LYPD4: variants seen among roughly 807,000 people sequenced by gnomAD.
LYPD4 encodes the protein ly6/PLAUR domain-containing protein 4.
Under a neutral mutation model 18.2 loss-of-function variants are expected in LYPD4, and 20 were observed. The ratio of observed to expected loss-of-function variants is 1.10; its 90% confidence interval spans 0.77 to 1.59. The LOEUF (loss-of-function observed/expected upper bound fraction) is 1.59. LYPD4 is among the 40% of genes most tolerant of loss of function. The pLI is 0.00. For missense variants in LYPD4, 278 were observed against 300.3 expected (o/e 0.93, Z 0.55); for synonymous variants, 111 against 118.3 (o/e 0.94, Z 0.40).
downstream of LYPD4, chr19:41,837,014 T>C (rs1229832843): frequency 2.7e-6 from 4 of 1,489,186 alleles, no homozygotes; most frequent in Non-Finnish European, 3.6e-6. Context: ...TCCCTGGACA[T>C]GCTTGGCCTT....
Position 41,837,994 on chromosome 19 carries a change from G to C in LYPD4, c.479C>G (p.Thr160Ser). 1.2e-6 allele frequency: 2 copies of C among 1,614,150 alleles called. No individual in the cohort carries two copies. The highest frequency in any genetic ancestry group is 1.1e-5 in the South Asian group (1 of 91,082). ...MKDCLPNFVTTNSCPLAASTC... is the reference protein window; with the variant it reads ...MKDCLPNFVTSNSCPLAASTC... ...AGAAGCAGCCAAGGGGCAAGAATTA[G>C]TGGTGACAAAATTTGGGAGGCAATC... The change falls in exon 4 of 5, where the codon ACT (threonine) becomes AGT (serine). Residue 160 changes from threonine (T) to serine (S), a missense_variant. Thr to Ser is a moderately conservative substitution (Grantham distance 58, BLOSUM62 1). Coordinates refer to ENST00000609812, the MANE Select transcript of LYPD4 (RefSeq NM_173506.7).
intron 3 of LYPD4, among the ~76,000 whole-genome samples, chr19:41,838,473 GC>G (rs1162148753): frequency 6.6e-6 from 1 of 151,850 alleles, no homozygotes; most frequent in East Asian, 1.9e-4. Context: ...ACCTCCCCCA[GC>G]CCCCACTCCT....
chr19:41,836,628 G>A (rs1292002472), downstream of LYPD4, among the ~76,000 whole-genome samples: 14 of 151,844 alleles, frequency 9.2e-5, no homozygotes, highest in African/African-American at 1.9e-4. Flanking sequence ...AAACACAGTC[G>A]CTCCCATGTA....
downstream of LYPD4, among the ~76,000 whole-genome samples, chr19:41,836,763 G>A (rs1335226685): frequency 2.6e-5 from 4 of 151,334 alleles, no homozygotes; most frequent in African/African-American, 9.7e-5. Flanking sequence ...AAAAAGAATT[G>A]GCCTGAGGAG....
At chr19:41,839,700 G>GTGTGTGTGTGTGTGTGTGTT in intron 1 of LYPD4, 1 of 191,314 alleles carries the variant, frequency 5.2e-6, no homozygotes, top group South Asian at 1.1e-4. Context: ...GTGTGTGTGT[G>GTGTGTGTGTGTGTGTGTGTT]TGTGTAAGTT....
Position 41,841,677 on chromosome 19 carries a change from A to G in LYPD4, c.-121+1901T>C, listed in dbSNP as rs186379982. 7.7e-3 allele frequency among the ~76,000 whole-genome samples: 1,166 copies of G among 151,980 alleles called. 33 individuals carry two copies. Among genetic ancestry groups the G allele is most frequent in the Admixed American group, 0.049 (754 of 15,244 alleles). ...CAAGACCCTGTCTCAAAAAAAAAAAAAAAAAAAAAGTGAAGAAATGCACAA... is the reference window on the plus strand; with the variant it reads ...CAAGACCCTGTCTCAAAAAAAAAAAGAAAAAAAAAGTGAAGAAATGCACAA... On this transcript the variant is annotated intron_variant, in intron 1 of 4. Transcript: ENST00000609812.
intron 3 of LYPD4, among the ~76,000 whole-genome samples, 181 bp downstream of exon 3, chr19:41,838,700 G>C (rs1176365423): frequency 6.6e-6 from 1 of 151,600 alleles, no homozygotes; most frequent in Non-Finnish European, 1.5e-5. Context: ...TTTGAGACCA[G>C]CCTGGGCAAC....
chr19:41,839,280 T>G lies in LYPD4; in HGVS notation c.6A>C (p.Gly2=). The change falls in exon 2 of 5, where the codon GGA becomes GGC. Residue 2 remains glycine, a synonymous_variant. Transcript: ENST00000609812. ...GCTGCACAAGTCTCAAATGCTGGGG[T>G]CCCATGGCCCTGTGTCTGGGTCCTG... is the stretch of plus-strand genomic sequence containing the variant. M[G]PQHLRLVQLF... The G allele has an allele frequency of 6.2e-7, 1 of 1,614,108 alleles. No homozygotes were observed.
chr19:41,838,581 C>T (rs2073458574), intron 3 of LYPD4, among the ~76,000 whole-genome samples: 1 of 152,074 alleles, frequency 6.6e-6, no homozygotes, highest in Admixed American at 6.6e-5. Flanking sequence ...CCTCTCCTGC[C>T]AGTGTCCTGA....
At position 41,838,053 on chromosome 19, in the gene LYPD4, A is replaced by C. The variant is rs2073428442; in HGVS notation, c.420T>G (p.Cys140Trp). The C allele has an allele frequency of 2.5e-6, 4 of 1,614,188 alleles. No homozygotes were observed. The highest frequency in any genetic ancestry group is 3.4e-6 in the Non-Finnish European group (4 of 1,180,016). The change falls in exon 4 of 5, where the codon TGT becomes TGG. Residue 140 changes from cysteine to tryptophan, a missense_variant. Cys to Trp is a radical substitution (Grantham distance 215). Coordinates refer to ENST00000609812, the MANE Select transcript of LYPD4 (RefSeq NM_173506.7). The stretch of plus-strand genomic sequence containing the variant: ...GCTCGCCCACACAGGTCGGGCAGCT[A>C]CAGGACGCAGATGTGATAGACTTAG... ...STPKSITSAS[C>W]SCPTCVGEHM...
chr19:41,844,759 C>CA (rs1555834984), upstream of LYPD4: 1 of 152,324 alleles, frequency 6.6e-6, no homozygotes, highest in Non-Finnish European at 1.5e-5. Context: ...GGGTACTCGA[C>CA]GCCCCATTGG....
chr19:41,836,320 A>C (rs1013603301), downstream of LYPD4, among the ~76,000 whole-genome samples: 8 of 137,544 alleles, frequency 5.8e-5, no homozygotes, highest in African/African-American at 2.1e-4. Context: ...AAAAAAAAAA[A>C]AAAAAAACAA....
rs559164640 is a variant in LYPD4, at chr19:41,838,060, G to A, written c.413C>T (p.Ala138Val). 283 of 1,614,174 alleles carry A rather than the reference G, an allele frequency of 1.8e-4. 2 individuals are homozygous for A. The South Asian group carries it at 2.3e-3, about 13-fold the overall frequency. Residue 138 changes from alanine (A) to valine (V), a missense_variant, in exon 4 of 5, where the codon GCG becomes GTG. By Grantham distance (64) the Ala-to-Val change is moderately conservative. Transcript: ENST00000609812. ...KASTPKSITS[A>V]SCSCPTCVGE... ...CACACAGGTCGGGCAGCTACAGGAC[G>A]CAGATGTGATAGACTTAGGAGTGCT...
intron 1 of LYPD4, among the ~76,000 whole-genome samples, chr19:41,842,781 A>G (rs1555833874): frequency 6.7e-6 from 1 of 148,208 alleles, no homozygotes; most frequent in Non-Finnish European, 1.5e-5. Context: ...AAAAAAAAAA[A>G]AAAAAAAAAA....
chr19:41,841,907 G>A (rs2073607805), intron 1 of LYPD4, among the ~76,000 whole-genome samples: 1 of 152,138 alleles, frequency 6.6e-6, no homozygotes, highest in South Asian at 2.1e-4. Flanking sequence ...TGAGAGTTCT[G>A]ACCAGGATCT....
At chr19:41,839,525 T>C in intron 1 of LYPD4, 120 bp from the exon 2 acceptor site, 1 of 540,050 alleles carries the variant, frequency 1.9e-6, no homozygotes, top group South Asian at 2.4e-5. Flanking sequence ...ATCCACCATC[T>C]TAGCTTCTCA....
chr19:41,835,102 G>T (rs1013907050), downstream of LYPD4: 1 of 152,116 alleles, frequency 6.6e-6, no homozygotes, highest in Admixed American at 6.5e-5. Context: ...AATATTTATT[G>T]TTTAAAGGTA....
chr19:41,840,764 A>G (rs2073558526), intron 1 of LYPD4, among the ~76,000 whole-genome samples: 1 of 151,934 alleles, frequency 6.6e-6, no homozygotes, highest in African/African-American at 2.4e-5. Context: ...CGGGAGGCGG[A>G]GCTTGCAGTG....
At position 41,837,923 on chromosome 19, in the gene LYPD4, C is replaced by A; in HGVS notation, c.538+12G>T. 6.3e-7 allele frequency: 1 copy of A among 1,591,130 alleles called. No homozygotes were observed. Among genetic ancestry groups the A allele is most frequent in the Non-Finnish European group, 8.6e-7 (1 of 1,166,224 alleles). On this transcript the variant is annotated intron_variant, in intron 4 of 4. Coordinates refer to ENST00000609812, the MANE Select transcript of LYPD4 (RefSeq NM_173506.7). ...AGTAGGCATTTGATAAACAATATTC[C>A]TCTCCTCTCACCTGCCTGAAATTTT...
Sources: gnomAD v4.1 joint callset for allele counts (sites outside exome capture counted in the v4.1 genomes callset) on GRCh38, gnomAD v4.1.1 for gene constraint, MANE v1.5 for transcripts, NCBI Gene and HGNC (gene_info 2026-07-23, HGNC 2026-07-21) for gene names.